FBXO47: variants seen among roughly 807,000 people sequenced by gnomAD.
FBXO47 encodes F-box only protein 47.
Under a neutral mutation model 53.9 loss-of-function variants are expected in FBXO47, and 34 were observed. The ratio of observed to expected loss-of-function variants is 0.63; its 90% confidence interval spans 0.48 to 0.84. The LOEUF (loss-of-function observed/expected upper bound fraction) is 0.84, where lower values mean the gene tolerates loss of function less well. Ranked by LOEUF, FBXO47 falls within the 40% of genes least tolerant of loss-of-function variation. FBXO47 has a pLI of 0.00. For synonymous variants in FBXO47, 165 were observed against 181.6 expected (o/e 0.91, Z 0.73); for missense variants, 485 against 541.3 (o/e 0.90, Z 1.03).
At chr17:38,939,323 A>AATATATAT (rs1555559725) in intron 9 of FBXO47, among the ~76,000 whole-genome samples, 1,434 of 49,974 alleles carry the variant, frequency 0.029, 41 homozygotes, top group Non-Finnish European at 0.035. Context: ...AAAAAAAAAA[A>AATATATAT]ATATATATAT....
At chr17:38,964,893 C>T (rs1443977213) in intron 1 of FBXO47, among the ~76,000 whole-genome samples, 3 of 152,124 alleles carry the variant, frequency 2.0e-5, no homozygotes, top group Non-Finnish European at 4.4e-5. Context: ...TCTCAGCTCA[C>T]TGCAACCTCC....
At position 38,963,065 on chromosome 17, in the gene FBXO47, C is replaced by T; in HGVS notation, c.-26-14G>A. 6.8e-7 allele frequency: 1 copy of T among 1,480,202 alleles called. No individual in the cohort carries two copies. Among genetic ancestry groups the T allele is most frequent in the Non-Finnish European group, 9.3e-7 (1 of 1,071,958 alleles). 91.7% of individuals were successfully genotyped at this position (1,480,202 alleles called of 1,614,324 possible). Reference sequence around the variant, plus strand: ...CACAAATTTATCCTGGTCAGAAAAACAAAGTACAAGAGACAAGAAAGAAAG... The same window carrying T: ...CACAAATTTATCCTGGTCAGAAAAATAAAGTACAAGAGACAAGAAAGAAAG... On this transcript the variant is annotated splice_polypyrimidine_tract_variant and intron_variant, in intron 1 of 10. Transcript: ENST00000378079.
rs1904982930 is a variant in FBXO47 at position 38,947,107 on chromosome 17, CATATATATATAAA to C, written c.617-1984_617-1972del. Among the ~76,000 whole-genome samples, 4 of 90,318 alleles carry C rather than the reference CATATATATATAAA, an allele frequency of 4.4e-5. 1 individual carries two copies. In the East Asian group the frequency reaches 1.1e-3, roughly 24 times the overall value. The allele number at this position is 90,318 out of a possible 152,430, so 59.3% of individuals were successfully genotyped here. ...ACATATATATAAACATATATATAAA[CATATATATATAAA>C]CATATATATAAATATATATATATAT... On this transcript the variant is annotated intron_variant, in intron 6 of 10. Transcript: ENST00000378079.
intron 1 of FBXO47, among the ~76,000 whole-genome samples, chr17:38,966,498 G>C (rs1906139257): frequency 6.6e-6 from 1 of 152,168 alleles, no homozygotes; most frequent in Non-Finnish European, 1.5e-5. Context: ...ACCGCACCCG[G>C]CCAACACAGT....
chr17:38,964,471 C>T (rs1905988371), intron 1 of FBXO47, among the ~76,000 whole-genome samples: 1 of 152,020 alleles, frequency 6.6e-6, no homozygotes, highest in Admixed American at 6.6e-5. Context: ...CAGTGTGCAC[C>T]TGTAATCCCA....
intron 7 of FBXO47, 79 bp from the exon 8 acceptor site, chr17:38,943,815 G>T: frequency 8.0e-7 from 1 of 1,246,384 alleles, no homozygotes. Flanking sequence ...AAAGTGAATT[G>T]CACAATGGAA....
rs1176193608 is a variant in FBXO47, at chr17:38,938,618, C to A, written c.1198G>T (p.Ala400Ser). 6.2e-7 allele frequency: 1 copy of A among 1,613,558 alleles called. No individual in the cohort carries two copies. The highest frequency in any genetic ancestry group is 8.5e-7 in the Non-Finnish European group (1 of 1,179,826). Residue 400 changes from alanine (A) to serine (S), a missense_variant, in exon 10 of 11, where the codon GCA becomes TCA. Ala to Ser is a moderately conservative substitution (Grantham distance 99, BLOSUM62 1). Coordinates refer to ENST00000378079, the MANE Select transcript of FBXO47 (RefSeq NM_001008777.3). ...ATTTCCATTATAACACATGCAAATG[C>A]ATTTGCCACATTCTGCAGGAAGTTC... ...RKNFLQNVANAFACVIMEMLQ... is the reference protein window; with the variant it reads ...RKNFLQNVANSFACVIMEMLQ...
Position 38,967,250 on chromosome 17 carries a change from C to G in FBXO47, c.-48G>C, listed in dbSNP as rs186719741. Reference sequence around the variant, plus strand: ...TTACCACAGATTTTGACAGTTTTTCCGGCTACAGAGTCACAGGAAAGTGGG... The same window carrying G: ...TTACCACAGATTTTGACAGTTTTTCGGGCTACAGAGTCACAGGAAAGTGGG... On this transcript the variant is annotated 5_prime_UTR_variant, in exon 1 of 11. Coordinates refer to ENST00000378079, the MANE Select transcript of FBXO47 (RefSeq NM_001008777.3). 1 of 152,104 alleles carries G rather than the reference C, an allele frequency of 6.6e-6. No individual in the cohort carries two copies. Among genetic ancestry groups the G allele is most frequent in the Non-Finnish European group, 1.5e-5 (1 of 68,024 alleles). 9.4% of individuals were successfully genotyped at this position (152,104 alleles called of 1,614,324 possible).
chr17:38,965,280 G>C (rs1906047046), intron 1 of FBXO47, among the ~76,000 whole-genome samples: 2 of 152,116 alleles, frequency 1.3e-5, no homozygotes, highest in South Asian at 2.1e-4. Context: ...CCAATCGAAG[G>C]CTCCTTGTTT....
intron 4 of FBXO47, among the ~76,000 whole-genome samples, chr17:38,956,422 T>C (rs1905559557): frequency 6.6e-6 from 1 of 151,550 alleles, no homozygotes; most frequent in African/African-American, 2.4e-5. Flanking sequence ...ACCTCATCTC[T>C]ACTAAAAGTA....
At chr17:38,956,586 C>T (rs1905568319) in intron 4 of FBXO47, among the ~76,000 whole-genome samples, 1 of 139,712 alleles carries the variant, frequency 7.2e-6, no homozygotes, top group African/African-American at 2.7e-5. Flanking sequence ...GAGACTCTGT[C>T]TCAACAAAAA....
chr17:38,939,196 G>A (rs1222014473), intron 9 of FBXO47, among the ~76,000 whole-genome samples: 1 of 147,406 alleles, frequency 6.8e-6, no homozygotes, highest in Non-Finnish European at 1.5e-5. Context: ...AGGAGGCTGA[G>A]GCAGGAGAAT....
chr17:38,937,531 AT>A (rs1915608984), intron 10 of FBXO47, among the ~76,000 whole-genome samples: 1 of 147,286 alleles, frequency 6.8e-6, no homozygotes, highest in Non-Finnish European at 1.5e-5. Context: ...TAATTTTTGT[AT>A]TTTTAGTAGA....
intron 6 of FBXO47, among the ~76,000 whole-genome samples, chr17:38,945,644 C>CA (rs1904720027): frequency 1.3e-5 from 2 of 151,412 alleles, no homozygotes; most frequent in South Asian, 2.1e-4. Context: ...ACTAAAAATA[C>CA]AAAAAAAATT....
At chr17:38,962,600 C>T (rs980733291) in intron 2 of FBXO47, among the ~76,000 whole-genome samples, 3 of 144,982 alleles carry the variant, frequency 2.1e-5, no homozygotes, top group African/African-American at 7.9e-5. Flanking sequence ...GAGCAAAACT[C>T]CATCTCAAAA....
chr17:38,943,763 G>A, intron 7 of FBXO47, 27 bp from the exon 8 acceptor site: 1 of 1,583,512 alleles, frequency 6.3e-7, no homozygotes. Flanking sequence ...ACGAGGCTAT[G>A]ACAGAATAGT....
intron 1 of FBXO47, among the ~76,000 whole-genome samples, chr17:38,966,027 G>A (rs1453184473): frequency 6.6e-6 from 1 of 151,974 alleles, no homozygotes; most frequent in African/African-American, 2.4e-5. Context: ...ACAAAAAAGA[G>A]GGATCACTAT....
chr17:38,962,955 G>C lies in FBXO47; in HGVS notation c.71C>G (p.Thr24Ser), dbSNP rs2143969604. 6.2e-7 allele frequency: 1 copy of C among 1,613,212 alleles called. No individual in the cohort carries two copies. ...NQKLRRSNRQ[T>S]SCYSKTLGSG... ...GCCAAGGGTCTTGGAATAACAGCTG[G>C]TTTGACGATTACTACGTCTAAGTTT... is the stretch of plus-strand genomic sequence containing the variant. The change falls in exon 2 of 11, where the codon ACC becomes AGC. Residue 24 changes from threonine (T) to serine (S), a missense_variant. Thr to Ser is a moderately conservative substitution (Grantham distance 58). Transcript: ENST00000378079.
chr17:38,962,546 C>T (rs1308000189), intron 2 of FBXO47, among the ~76,000 whole-genome samples: 4 of 151,052 alleles, frequency 2.6e-5, no homozygotes, highest in African/African-American at 4.9e-5. Flanking sequence ...GTGGAGGTTG[C>T]GGTGAGCCGA....
Sources: gnomAD v4.1 joint callset for allele counts (sites outside exome capture counted in the v4.1 genomes callset) on GRCh38, gnomAD v4.1.1 for gene constraint, MANE v1.5 for transcripts, NCBI Gene and HGNC (gene_info 2026-07-23, HGNC 2026-07-21) for gene names.